The following SH3KBP1 variants were observed in gnomAD, a reference collection of about 807,000 sequenced individuals.
SH3KBP1 encodes the protein SH3 domain-containing kinase-binding protein 1.
SH3KBP1 carries 8 observed loss-of-function variants against 50.1 expected under a neutral mutation model. The ratio of observed to expected loss-of-function variants is 0.16; its 90% CI spans 0.09 to 0.29. The LOEUF (loss-of-function observed/expected upper bound fraction) is 0.29. SH3KBP1 is among the 10% of genes least tolerant of loss of function. The pLI is 1.00. For missense variants in SH3KBP1, 377 were observed against 535.2 expected, an observed-to-expected ratio of 0.70 and a Z score of 2.92; for synonymous variants, 227 against 218.6, an observed-to-expected ratio of 1.04 and a Z score of -0.34.
chrX:19,733,700 G>A (rs1036448981), intron 3 of SH3KBP1, among the ~76,000 whole-genome samples: 3 of 109,911 alleles, frequency 2.7e-5, no homozygotes, highest in African/African-American at 9.9e-5. Context: ...AAAATCAATC[G>A]TAAACAAAAT....
chrX:19,760,827 A>G (rs1414956880), intron 2 of SH3KBP1, among the ~76,000 whole-genome samples: 1 of 110,895 alleles, frequency 9.0e-6, no homozygotes, highest in Non-Finnish European at 1.9e-5. Flanking sequence ...ACCTGCCAAC[A>G]GACATGGGCC....
intron 1 of SH3KBP1, among the ~76,000 whole-genome samples, chrX:19,886,918 G>T (rs1449032017): frequency 9.3e-6 from 1 of 108,033 alleles, no homozygotes; most frequent in African/African-American, 3.4e-5. Flanking sequence ...CCCGCGCAGG[G>T]CCGGAGCCCA....
chrX:19,761,177 G>A (rs2065414328), intron 2 of SH3KBP1, among the ~76,000 whole-genome samples: 1 of 66,231 alleles, frequency 1.5e-5, no homozygotes, highest in Non-Finnish European at 2.9e-5. Context: ...GGGAGGGGAG[G>A]GGGGAGAAGA....
intron 2 of SH3KBP1, among the ~76,000 whole-genome samples, chrX:19,782,171 T>G (rs1207389970): frequency 9.0e-6 from 1 of 111,343 alleles, no homozygotes; most frequent in African/African-American, 3.3e-5. Flanking sequence ...TGTCCTCATA[T>G]GAGACACACA....
intron 13 of SH3KBP1, among the ~76,000 whole-genome samples, chrX:19,555,909 C>G (rs780056435): frequency 4.5e-5 from 5 of 111,810 alleles, no homozygotes; most frequent in African/African-American, 1.6e-4. Flanking sequence ...CACCCATCAT[C>G]GTGATCTCGG....
rs763784246 is a variant in SH3KBP1 at position 19,763,954 on chromosome X, T to C, written c.163-17513A>G. Among the ~76,000 whole-genome samples, 6 of 101,473 alleles carry C rather than the reference T, an allele frequency of 5.9e-5. No homozygotes were observed. In the South Asian group the frequency reaches 1.9e-3, roughly 32 times the overall value. The allele number at this position is 101,473 out of a possible 115,157, so 88.1% of individuals were successfully genotyped here. A position where few individuals can be genotyped will look rare whatever the true frequency, so the allele number is the denominator to read the frequency against. On this transcript the variant is annotated intron_variant, in intron 2 of 17. Coordinates refer to ENST00000397821, the MANE Select transcript of SH3KBP1 (RefSeq NM_031892.3). Reference sequence around the variant, plus strand: ...CCACCTGAGCCCAGGAGGTGGAGGTTGCAGTGAACTACAATTGCCCACTGC... The same window carrying C: ...CCACCTGAGCCCAGGAGGTGGAGGTCGCAGTGAACTACAATTGCCCACTGC...
intron 12 of SH3KBP1, among the ~76,000 whole-genome samples, chrX:19,588,114 C>T (rs1435194432): frequency 9.0e-6 from 1 of 111,725 alleles, no homozygotes; most frequent in Non-Finnish European, 1.9e-5. Flanking sequence ...AAAGCATGTC[C>T]CCAGCCGTTG....
At chrX:19,845,294 C>T (rs1385802361) in intron 1 of SH3KBP1, among the ~76,000 whole-genome samples, 2 of 107,855 alleles carry the variant, frequency 1.9e-5, no homozygotes, top group African/African-American at 6.8e-5. Context: ...CTGGCTAACA[C>T]GGTGAATCCC....
At chrX:19,715,527 T>A (rs752414656) in intron 3 of SH3KBP1, among the ~76,000 whole-genome samples, 23 of 111,157 alleles carry the variant, frequency 2.1e-4, no homozygotes, top group Non-Finnish European at 3.0e-4. Flanking sequence ...TCAATATTGG[T>A]CTGAGGTGCA....
At chrX:19,642,088 C>T (rs1012115983) in intron 7 of SH3KBP1, among the ~76,000 whole-genome samples, 2 of 111,919 alleles carry the variant, frequency 1.8e-5, no homozygotes, top group African/African-American at 3.3e-5. Context: ...GAGATCCTCC[C>T]GCCTCGGCCC....
At chrX:19,765,653 C>G (rs139381834) in intron 2 of SH3KBP1, among the ~76,000 whole-genome samples, 4 of 111,990 alleles carry the variant, frequency 3.6e-5, no homozygotes, top group African/African-American at 1.3e-4. Flanking sequence ...TGCAAAAGAT[C>G]ATCAGATTTC....
chrX:19,579,362 G>A lies in SH3KBP1; in HGVS notation c.1298+9281C>T, dbSNP rs941647228. The stretch of plus-strand genomic sequence containing the variant: ...AACCCACAGCTTGACATCTCAAAGA[G>A]GCGCAAGGGGCTTTAAGGATGCTGA... On this transcript the variant is annotated intron_variant, in intron 12 of 17. Coordinates refer to ENST00000397821, the MANE Select transcript of SH3KBP1 (RefSeq NM_031892.3). Among the ~76,000 whole-genome samples, 3 of 111,839 alleles carry A rather than the reference G, an allele frequency of 2.7e-5. No individual in the cohort carries two copies. In the Admixed American group the frequency reaches 2.8e-4, roughly 11 times the overall value.
intron 9 of SH3KBP1, among the ~76,000 whole-genome samples, chrX:19,606,704 T>C (rs182784892): frequency 8.9e-6 from 1 of 112,181 alleles, no homozygotes; most frequent in Admixed American, 9.5e-5. Context: ...GCTGTTAAAA[T>C]GCAGATTCTG....
intron 6 of SH3KBP1, among the ~76,000 whole-genome samples, chrX:19,645,722 C>T (rs1280460547): frequency 8.9e-6 from 1 of 111,996 alleles, no homozygotes; most frequent in African/African-American, 3.2e-5. Context: ...TATTCTCTTT[C>T]TTCCTTTATA....
intron 2 of SH3KBP1, among the ~76,000 whole-genome samples, chrX:19,808,308 T>C (rs1236990627): frequency 9.0e-6 from 1 of 110,684 alleles, no homozygotes; most frequent in African/African-American, 3.3e-5. Flanking sequence ...ATCACCAATG[T>C]TCTCAGTCTA....
At chrX:19,626,652 C>T (rs1044148692) in intron 8 of SH3KBP1, among the ~76,000 whole-genome samples, 8 of 110,861 alleles carry the variant, frequency 7.2e-5, no homozygotes, top group Admixed American at 6.7e-4. Context: ...ACTGCAGCCT[C>T]AACCTCCTGG....
In SH3KBP1 at chrX:19,887,322, C is replaced by G; in HGVS notation, c.-12G>C. The stretch of plus-strand genomic sequence containing the variant: ...CCCCACTCACCCATTGGCGTCGAGC[C>G]GGGCCGGGCCGCCGAGGCAGCGTGA... On this transcript the variant is annotated 5_prime_UTR_variant, in exon 1 of 18. Transcript: ENST00000397821. 1 of 977,522 alleles carries G rather than the reference C, an allele frequency of 1.0e-6. No individual in the cohort carries two copies. The highest frequency in any genetic ancestry group is 1.3e-6 in the Non-Finnish European group (1 of 776,053). 80.6% of individuals were successfully genotyped at this position (977,522 alleles called of 1,213,427 possible).
intron 11 of SH3KBP1, 78 bp from the exon 12 acceptor site, chrX:19,588,880 C>CT: frequency 1.3e-6 from 1 of 795,661 alleles, no homozygotes; most frequent in African/African-American, 2.2e-5. Context: ...TCATTTCCTG[C>CT]TAAAAAAAAA....
chrX:19,564,429 G>A (rs1366617978), intron 13 of SH3KBP1, among the ~76,000 whole-genome samples: 1 of 110,994 alleles, frequency 9.0e-6, no homozygotes, highest in South Asian at 3.9e-4. Context: ...TTAAACACTG[G>A]GTAGTTGATC....
Sources: allele counts gnomAD v4.1 joint callset (sites outside exome capture counted in the v4.1 genomes callset), GRCh38; gene constraint gnomAD v4.1.1; transcripts MANE v1.5; gene names NCBI Gene and HGNC (gene_info 2026-07-23, HGNC 2026-07-21).